ATP13A4: variants seen among roughly 807,000 people sequenced by gnomAD.
ATP13A4 encodes the protein ATPase 13A4.
A neutral mutation model predicts 142.5 loss-of-function variants in ATP13A4; 114 were observed. That is an observed-to-expected ratio of 0.80 (90% CI 0.69 to 0.93). ATP13A4 has a LOEUF of 0.93. ATP13A4 is among the 40% of genes least tolerant of loss of function. ATP13A4 has a pLI of 0.00. For synonymous variants in ATP13A4, 488 were observed against 514.8 expected (o/e 0.95, Z 0.70); for missense variants, 1,392 against 1,454.0 (o/e 0.96, Z 0.69).
intron 1 of ATP13A4, among the ~76,000 whole-genome samples, chr3:193,528,104 C>A (rs1325559711): frequency 6.6e-6 from 1 of 152,210 alleles, no homozygotes; most frequent in Admixed American, 6.5e-5. Flanking sequence ...CAAATGGTTT[C>A]TGTTGCACCA....
At chr3:193,456,977 G>A (rs758131573) in intron 16 of ATP13A4, 23 bp downstream of exon 16, 13 of 1,602,680 alleles carry the variant, frequency 8.1e-6, no homozygotes, top group Admixed American at 1.7e-5. Flanking sequence ...TTTGCCAGGT[G>A]TAATCCAAGT....
rs779770680 is a variant in ATP13A4, at chr3:193,514,738, C to T, written c.194G>A (p.Cys65Tyr). 23 of 1,614,072 alleles carry T rather than the reference C, an allele frequency of 1.4e-5. No individual in the cohort carries two copies. Among genetic ancestry groups the T allele is most frequent in the Non-Finnish European group, 1.9e-5 (22 of 1,180,042 alleles). The change falls in exon 2 of 30, where the codon TGT becomes TAT. Residue 65 changes from cysteine (C) to tyrosine (Y), a missense_variant. Coordinates refer to ENST00000342695, the MANE Select transcript of ATP13A4 (RefSeq NM_032279.4). ...AWHVWAHCVP[C>Y]SLQEADTVLL... ...CACAGTGTCTGCTTCTTGCAAGGAA[C>T]ATGGGACACAATGTGCCCATACGTG...
intron 25 of ATP13A4, among the ~76,000 whole-genome samples, chr3:193,416,479 A>T (rs188006464): frequency 9.2e-5 from 14 of 152,320 alleles, no homozygotes; most frequent in Admixed American, 9.2e-4. Flanking sequence ...TGAGAATGTC[A>T]GTAAAAAGAT....
rs755483923 is a variant in ATP13A4, at chr3:193,448,270, C to T, written c.2088G>A (p.Lys696=). The T allele has an allele frequency of 6.2e-7, 1 of 1,614,166 alleles. No individual in the cohort carries two copies. Among genetic ancestry groups the T allele is most frequent in the Admixed American group, 1.7e-5 (1 of 60,020 alleles). Residue 696 remains lysine (K), a synonymous_variant, in exon 18 of 30, where the codon AAG becomes AAA. Coordinates refer to ENST00000342695, the MANE Select transcript of ATP13A4 (RefSeq NM_032279.4). ...LGLLILENRL[K]EETKPVLEEL... is the part of the protein sequence containing the mutation. ...CTTCCAAGACAGGTTTTGTCTCTTC[C>T]TTCAATCGATTCTCCAAGATCAGCA... is the stretch of plus-strand genomic sequence containing the variant.
At chr3:193,578,475 C>T (rs1052434482) in intron 2 of ATP13A4, among the ~76,000 whole-genome samples, 1 of 152,114 alleles carries the variant, frequency 6.6e-6, no homozygotes, top group Non-Finnish European at 1.5e-5. Flanking sequence ...TTAGGTCATT[C>T]TCCCATTATA....
intron 1 of ATP13A4, among the ~76,000 whole-genome samples, chr3:193,542,579 T>C (rs1722991928): frequency 6.6e-6 from 1 of 151,986 alleles, no homozygotes; most frequent in Admixed American, 6.5e-5. Flanking sequence ...CTTCAAACTA[T>C]ACTACAAGTC....
chr3:193,543,195 T>C (rs368831911), intron 1 of ATP13A4, among the ~76,000 whole-genome samples: 10 of 146,394 alleles, frequency 6.8e-5, no homozygotes, highest in African/African-American at 2.5e-4. Flanking sequence ...GAAGAAAATC[T>C]AGGCAATACC....
chr3:193,462,972 A>G, intron 12 of ATP13A4, 149 bp from the exon 13 acceptor site: 1 of 663,186 alleles, frequency 1.5e-6, no homozygotes, highest in Non-Finnish European at 2.5e-6. Context: ...TAATGAAACC[A>G]CCTCCCTATT....
intron 19 of ATP13A4, 72 bp from the exon 20 acceptor site, chr3:193,441,660 G>T: frequency 6.4e-7 from 1 of 1,554,502 alleles, no homozygotes. Context: ...GCATATCTGA[G>T]AGAAGTTAAT....
intron 17 of ATP13A4, among the ~76,000 whole-genome samples, chr3:193,451,046 C>T (rs140115662): frequency 3.9e-5 from 6 of 152,168 alleles, no homozygotes; most frequent in Admixed American, 1.3e-4. Flanking sequence ...CCTGTCCAGC[C>T]GGCTGTTACG....
At chr3:193,516,379 C>G (rs369396708) in intron 1 of ATP13A4, among the ~76,000 whole-genome samples, 4 of 152,224 alleles carry the variant, frequency 2.6e-5, no homozygotes, top group African/African-American at 9.6e-5. Context: ...TTCTCATTAA[C>G]TCAGAAATAC....
chr3:193,485,103 C>T (rs1317808399), intron 7 of ATP13A4, among the ~76,000 whole-genome samples: 1 of 151,586 alleles, frequency 6.6e-6, no homozygotes, highest in Non-Finnish European at 1.5e-5. Context: ...AACAAAAAGC[C>T]TAGTGCATCT....
chr3:193,412,610 T>TGA (rs372985489), intron 26 of ATP13A4, among the ~76,000 whole-genome samples: 34 of 137,374 alleles, frequency 2.5e-4, no homozygotes, highest in East Asian at 1.0e-3. Flanking sequence ...TTGGATACAT[T>TGA]GAGAGAGAGA....
At chr3:193,589,166 C>G (rs998841756) in intron 1 of ATP13A4, among the ~76,000 whole-genome samples, 5 of 150,634 alleles carry the variant, frequency 3.3e-5, no homozygotes, top group African/African-American at 1.2e-4. Context: ...CAAACAAAAA[C>G]CAAATATATA....
Position 193,467,277 on chromosome 3 carries a change from G to T in ATP13A4, c.1114+39C>A, listed in dbSNP as rs771283370. 2.6e-5 allele frequency: 42 copies of T among 1,609,606 alleles called. 1 individual carries two copies. The South Asian group carries it at 4.5e-4, about 17-fold the overall frequency. On this transcript the variant is annotated intron_variant, in intron 10 of 29. Coordinates refer to ENST00000342695, the MANE Select transcript of ATP13A4 (RefSeq NM_032279.4). ...AAGGCACTAGACAAACTGGGCAAAAGTATACCATTAAAAATAAGAAAAAGG... is the reference window on the plus strand; with the variant it reads ...AAGGCACTAGACAAACTGGGCAAAATTATACCATTAAAAATAAGAAAAAGG...
At chr3:193,588,216 A>G (rs1290615095) in intron 1 of ATP13A4, among the ~76,000 whole-genome samples, 1 of 152,214 alleles carries the variant, frequency 6.6e-6, no homozygotes, top group African/African-American at 2.4e-5. Flanking sequence ...CAGTTTCACA[A>G]AGGTTAATGT....
At chr3:193,553,290 A>T (rs1723693438) in intron 1 of ATP13A4, 1 of 152,212 alleles carries the variant, frequency 6.6e-6, no homozygotes, top group African/African-American at 2.4e-5. Flanking sequence ...GGGAAGAGGT[A>T]ACAGTTTCCC....
At position 193,538,497 on chromosome 3, in the gene ATP13A4, T is replaced by TAAAA. The variant is rs376175094; in HGVS notation, c.60+16239_60+16242dup. ...TTATTGTTAATGGAAGAATCCACAT[T>TAAAA]AAAAAAAAAAAAAAAAACCCTAGGC... On this transcript the variant is annotated intron_variant, in intron 1 of 29. Transcript: ENST00000342695. Among the ~76,000 whole-genome samples, 681 of 122,242 alleles carry TAAAA rather than the reference T, an allele frequency of 5.6e-3. 10 individuals are homozygous for TAAAA. The East Asian group carries it at 0.069, about 12-fold the overall frequency. The allele number at this position is 122,242 out of a possible 152,430, so 80.2% of individuals were successfully genotyped here.
chr3:193,421,303 A>T (rs2108609969), intron 25 of ATP13A4, among the ~76,000 whole-genome samples: 1 of 149,738 alleles, frequency 6.7e-6, no homozygotes, highest in South Asian at 2.1e-4. Context: ...GGCAGCTGAA[A>T]ATACTATACA....
Sources: gnomAD v4.1 joint callset for allele counts (sites outside exome capture counted in the v4.1 genomes callset) on GRCh38, gnomAD v4.1.1 for gene constraint, MANE v1.5 for transcripts, NCBI Gene and HGNC (gene_info 2026-07-23, HGNC 2026-07-21) for gene names.